Variants in FARS2 observed in about 807,000 individuals in gnomAD.
FARS2 encodes phenylalanyl-tRNA synthetase 2, mitochondrial, also known as phenylalanine--tRNA ligase, mitochondrial.
FARS2 carries 40 observed loss-of-function variants against 46.4 expected under a neutral mutation model. That is an observed-to-expected ratio of 0.86 (90% confidence interval 0.67 to 1.12). The LOEUF (loss-of-function observed/expected upper bound fraction) is 1.12. Among genes scored for constraint, FARS2 ranks in the 50% most tolerant of loss-of-function variants. The pLI, the probability that FARS2 is intolerant of heterozygous loss-of-function variation, is 0.00. For synonymous variants in FARS2, 234 were observed against 214.9 expected, an observed-to-expected ratio of 1.09 and a Z score of -0.78; for missense variants, 513 against 567.9, an observed-to-expected ratio of 0.90 and a Z score of 0.98.
chr6:5,316,193 A>G (rs1184880706), intron 1 of FARS2, among the ~76,000 whole-genome samples: 1 of 152,242 alleles, frequency 6.6e-6, no homozygotes, highest in Non-Finnish European at 1.5e-5. Context: ...GGTGACTGGC[A>G]CTGTAGGAAG....
intron 6 of FARS2, among the ~76,000 whole-genome samples, chr6:5,717,296 C>A (rs1012083870): frequency 1.5e-4 from 22 of 151,454 alleles, no homozygotes; most frequent in African/African-American, 5.1e-4. Flanking sequence ...AAGACTGTAA[C>A]AAAGGTCGTG....
At chr6:5,490,398 CTT>C (rs1258497748) in intron 4 of FARS2, among the ~76,000 whole-genome samples, 1 of 152,172 alleles carries the variant, frequency 6.6e-6, no homozygotes, top group Non-Finnish European at 1.5e-5. Context: ...GTTCATTTCT[CTT>C]GTTTCAATAC....
chr6:5,500,377 T>C (rs1767720351), intron 4 of FARS2, among the ~76,000 whole-genome samples: 2 of 152,220 alleles, frequency 1.3e-5, no homozygotes, highest in African/African-American at 4.8e-5. Context: ...GCTGCCCATA[T>C]GGTTCTGTCG....
rs116310490 is a variant in FARS2 at position 5,620,879 on chromosome 6, G to A, written c.1217+7559G>A. 6.2e-3 allele frequency among the ~76,000 whole-genome samples: 952 copies of A among 152,340 alleles called. 12 individuals carry two copies. Among genetic ancestry groups the A allele is most frequent in the African/African-American group, 0.021 (891 of 41,580 alleles). ...CGTGGGTCAGGTGGACAGGCCTCCG[G>A]CCTTCTCCTATATGTCAGTAGGTTT... is the stretch of plus-strand genomic sequence containing the variant. On this transcript the variant is annotated intron_variant, in intron 6 of 6. Coordinates refer to ENST00000274680, the MANE Select transcript of FARS2 (RefSeq NM_006567.5).
Position 5,471,417 on chromosome 6 carries a change from C to T in FARS2, c.904+40245C>T, listed in dbSNP as rs1765799791. On this transcript the variant is annotated intron_variant, in intron 4 of 6. Transcript: ENST00000274680. The surrounding 1 kb of genome is among the most constrained non-coding windows in gnomAD (Gnocchi z 4.1). The stretch of plus-strand genomic sequence containing the variant: ...TACCTTTTCTTGCTCTGGCTAATAT[C>T]CCAACTAGCCCTTCATTTACGAAGA... 6.6e-6 allele frequency among the ~76,000 whole-genome samples: 1 copy of T among 152,188 alleles called. No individual in the cohort carries two copies. Among genetic ancestry groups the T allele is most frequent in the African/African-American group, 2.4e-5 (1 of 41,448 alleles).
At chr6:5,376,226 C>T (rs542426634) in intron 2 of FARS2, among the ~76,000 whole-genome samples, 1 of 152,264 alleles carries the variant, frequency 6.6e-6, no homozygotes, top group Admixed American at 6.5e-5. Flanking sequence ...ACATGTCATA[C>T]TCATATACTT....
chr6:5,250,411 T>C, the FARS2 span, among the ~76,000 whole-genome samples: 1 of 152,194 alleles, frequency 6.6e-6, no homozygotes, highest in Non-Finnish European at 1.5e-5. Context: ...TTGGCTGCTA[T>C]ATAATTTTCT....
At chr6:5,470,037 A>G (rs75901062) in intron 4 of FARS2, among the ~76,000 whole-genome samples, 4,579 of 152,324 alleles carry the variant, frequency 0.03, 139 homozygotes, top group East Asian at 0.1. Flanking sequence ...TTTCTGACAC[A>G]ATAAAACTTC....
chr6:5,496,016 A>G (rs1428732658), intron 4 of FARS2, among the ~76,000 whole-genome samples: 6 of 152,182 alleles, frequency 3.9e-5, no homozygotes, highest in Non-Finnish European at 8.8e-5. Context: ...TCAAATTACT[A>G]TGACCTGCTT....
intron 1 of FARS2, among the ~76,000 whole-genome samples, chr6:5,273,756 T>G (rs1481590556): frequency 6.6e-6 from 1 of 152,210 alleles, no homozygotes; most frequent in Non-Finnish European, 1.5e-5. Flanking sequence ...CAGACCAATA[T>G]CCTGGGTTGT....
chr6:5,399,363 A>G (rs1262400671), intron 2 of FARS2, among the ~76,000 whole-genome samples: 1 of 151,948 alleles, frequency 6.6e-6, no homozygotes, highest in African/African-American at 2.4e-5. Context: ...TTTGGTAGAG[A>G]TGGTGTTTCA....
chr6:5,446,221 A>T (rs1037742298), intron 4 of FARS2, among the ~76,000 whole-genome samples: 15 of 151,226 alleles, frequency 9.9e-5, no homozygotes, highest in Non-Finnish European at 1.5e-4. Flanking sequence ...AAAAAAAGAA[A>T]ATTTTTTTTA....
intron 1 of FARS2, among the ~76,000 whole-genome samples, chr6:5,313,201 A>T (rs1333146197): frequency 6.6e-6 from 1 of 152,234 alleles, no homozygotes; most frequent in African/African-American, 2.4e-5. Flanking sequence ...ATTTGTTGTT[A>T]CAAAATCACC....
At chr6:5,478,275 A>G (rs1766244628) in intron 4 of FARS2, among the ~76,000 whole-genome samples, 1 of 152,228 alleles carries the variant, frequency 6.6e-6, no homozygotes, top group Admixed American at 6.5e-5. Flanking sequence ...GTCTATTGGT[A>G]GCTTTTTCCA....
chr6:5,699,149 T>C (rs1477659121), intron 6 of FARS2, among the ~76,000 whole-genome samples: 4 of 152,192 alleles, frequency 2.6e-5, no homozygotes, highest in Non-Finnish European at 5.9e-5. Flanking sequence ...TAGAGTGGCA[T>C]TGAATGTGAT....
At chr6:5,325,665 A>G (rs1234188304) in intron 1 of FARS2, among the ~76,000 whole-genome samples, 1 of 152,252 alleles carries the variant, frequency 6.6e-6, no homozygotes, top group Admixed American at 6.5e-5. Context: ...AAAATGGTGT[A>G]CTTGTTTATG....
At chr6:5,258,194 G>T (rs1459516636), upstream of FARS2, among the ~76,000 whole-genome samples, 1 of 152,192 alleles carries the variant, frequency 6.6e-6, no homozygotes, top group Admixed American at 6.5e-5. Context: ...GGAGCAGACA[G>T]GGCTCCTGCT....
chr6:5,254,705 A>G, the FARS2 span, among the ~76,000 whole-genome samples: 1 of 152,132 alleles, frequency 6.6e-6, no homozygotes. Flanking sequence ...AATAAACTCA[A>G]CTTTCCACCC....
chr6:5,685,331 T>C (rs958277556), intron 6 of FARS2, among the ~76,000 whole-genome samples: 2 of 152,306 alleles, frequency 1.3e-5, no homozygotes, highest in Admixed American at 6.5e-5. Flanking sequence ...CTCTTCACAC[T>C]AAAGTATTGA....
Sources: gnomAD v4.1 joint callset for allele counts (sites outside exome capture counted in the v4.1 genomes callset) on GRCh38, gnomAD v4.1.1 for gene constraint, Gnocchi (gnomAD v3.1) non-coding constraint, MANE v1.5 for transcripts, NCBI Gene and HGNC (gene_info 2026-07-23, HGNC 2026-07-21) for gene names.